The following SLAIN2 variants were observed in gnomAD, a reference collection of about 807,000 sequenced individuals.
SLAIN2 encodes the protein SLAIN family member 2, also known as SLAIN motif-containing protein 2.
Under a neutral mutation model 56.6 loss-of-function variants are expected in SLAIN2, and 31 were observed. That is an observed-to-expected ratio of 0.55 (90% CI 0.41 to 0.74). The LOEUF (loss-of-function observed/expected upper bound fraction) is 0.74, where lower values mean the gene tolerates loss of function less well. Ranked by LOEUF, SLAIN2 falls within the 30% of genes least tolerant of loss-of-function variation. The pLI is 0.00. For synonymous variants in SLAIN2, 317 were observed against 284.9 expected (o/e 1.11, Z -1.13); for missense variants, 777 against 754.2 (o/e 1.03, Z -0.35).
At chr4:48,363,967 A>ATGG (rs1560452826) in intron 1 of SLAIN2, among the ~76,000 whole-genome samples, 4 of 92,308 alleles carry the variant, frequency 4.3e-5, no homozygotes, top group South Asian at 4.5e-4. Flanking sequence ...CTGGCCGGGC[A>ATGG]GGGGGCTGAC....
intron 6 of SLAIN2, among the ~76,000 whole-genome samples, chr4:48,403,369 A>G (rs1478216217): frequency 1.3e-5 from 2 of 151,934 alleles, no homozygotes; most frequent in Non-Finnish European, 2.9e-5. Flanking sequence ...GGGCTCCATC[A>G]TCAGAGTTCT....
chr4:48,363,896 C>T lies in SLAIN2; in HGVS notation c.390-5953C>T, dbSNP rs575510084. 3.7e-3 allele frequency among the ~76,000 whole-genome samples: 523 copies of T among 141,830 alleles called. 3 individuals carry two copies. The highest frequency in any genetic ancestry group is 6.1e-3 in the Non-Finnish European group (391 of 63,666). 93.0% of individuals were successfully genotyped at this position (141,830 alleles called of 152,430 possible). On this transcript the variant is annotated intron_variant, in intron 1 of 7. Coordinates refer to ENST00000264313, the MANE Select transcript of SLAIN2 (RefSeq NM_020846.2). ...CCGGGCAGAGGCGCCCCTCACCTCC[C>T]GGACGGCACGGCTGGCCAGGCGGGG... is the stretch of plus-strand genomic sequence containing the variant.
chr4:48,405,386 TCTTA>T (rs766711721), intron 6 of SLAIN2, among the ~76,000 whole-genome samples: 1 of 152,222 alleles, frequency 6.6e-6, no homozygotes, highest in South Asian at 2.1e-4. Flanking sequence ...TTTAAGTTTC[TCTTA>T]CTTTATCGTT....
At position 48,368,051 on chromosome 4, in the gene SLAIN2, C is replaced by CT. The variant is rs36096623; in HGVS notation, c.390-1785dup. ...TTCACTGAACGTAGTGTTTTTGAGGCTTTTTTTTTTTTTGACAGTGTTGCT... is the reference window on the plus strand; with the variant it reads ...TTCACTGAACGTAGTGTTTTTGAGGCTTTTTTTTTTTTTTGACAGTGTTGCT... On this transcript the variant is annotated intron_variant, in intron 1 of 7. Coordinates refer to ENST00000264313, the MANE Select transcript of SLAIN2 (RefSeq NM_020846.2). 8.1e-4 allele frequency among the ~76,000 whole-genome samples: 72 copies of CT among 88,802 alleles called. 6 individuals carry two copies. Among genetic ancestry groups the CT allele is most frequent in the South Asian group, 1.2e-3 (3 of 2,538 alleles). The allele number at this position is 88,802 out of a possible 152,430, so 58.3% of individuals were successfully genotyped here.
Position 48,420,132 on chromosome 4 carries a change from T to C in SLAIN2, c.1368T>C (p.Ser456=). The C allele has an allele frequency of 6.2e-7, 1 of 1,613,690 alleles. No homozygotes were observed. Among genetic ancestry groups the C allele is most frequent in the Non-Finnish European group, 8.5e-7 (1 of 1,179,656 alleles). Residue 456 remains serine (S), a synonymous_variant, in exon 7 of 8, where the codon TCT becomes TCC. Transcript: ENST00000264313. ...RMQPQASAIP[S]PGKFRSPAAP... ...TTCTTTGCCATCCCACAGTACCTTC[T>C]CCAGGCAAATTCCGTTCCCCTGCAG...
At chr4:48,373,885 A>G (rs987915300) in intron 2 of SLAIN2, among the ~76,000 whole-genome samples, 1 of 152,156 alleles carries the variant, frequency 6.6e-6, no homozygotes, top group Non-Finnish European at 1.5e-5. Context: ...TACTAAAAAT[A>G]CAAAATTAAT....
Position 48,377,936 on chromosome 4 carries a change from T to C in SLAIN2, c.579T>C (p.Ser193=). 6.2e-7 allele frequency: 1 copy of C among 1,613,900 alleles called. No individual in the cohort carries two copies. The highest frequency in any genetic ancestry group is 8.5e-7 in the Non-Finnish European group (1 of 1,179,860). ...ATTTATATAATAATCCTTTCAACTC[T>C]ATGAGTTACACCAGTCCTTACAGTC... ...RQNLYNNPFN[S]MSYTSPYSPN... The change falls in exon 3 of 8, where the codon TCT becomes TCC. Residue 193 remains serine, a synonymous_variant. Transcript: ENST00000264313.
At chr4:48,356,507 A>G (rs934999983) in intron 1 of SLAIN2, among the ~76,000 whole-genome samples, 4 of 152,214 alleles carry the variant, frequency 2.6e-5, no homozygotes, top group African/African-American at 9.7e-5. Flanking sequence ...GATACGTGCT[A>G]GTATACATAA....
chr4:48,346,835 C>CTTTT (rs71191209), intron 1 of SLAIN2, among the ~76,000 whole-genome samples: 3 of 128,008 alleles, frequency 2.3e-5, no homozygotes, highest in African/African-American at 9.0e-5. Flanking sequence ...TTCTATTTCC[C>CTTTT]TTTTTTTTTT....
At chr4:48,348,080 G>T (rs563401853) in intron 1 of SLAIN2, among the ~76,000 whole-genome samples, 4 of 152,266 alleles carry the variant, frequency 2.6e-5, no homozygotes, top group South Asian at 4.1e-4. Context: ...TAGATATTTA[G>T]CTTGGGGAAG....
intron 1 of SLAIN2, among the ~76,000 whole-genome samples, chr4:48,352,826 A>G (rs992338650): frequency 2.0e-5 from 3 of 152,104 alleles, no homozygotes; most frequent in East Asian, 1.9e-4. Flanking sequence ...TCCCCACCCA[A>G]ATCTCATCTT....
rs776305204 is a variant in SLAIN2 at position 48,424,055 on chromosome 4, C to T, written c.*1978C>T. 2 of 152,054 alleles carry T rather than the reference C, an allele frequency of 1.3e-5. No individual in the cohort carries two copies. Among genetic ancestry groups the T allele is most frequent in the Non-Finnish European group, 2.9e-5 (2 of 67,978 alleles). 9.4% of individuals were successfully genotyped at this position (152,054 alleles called of 1,614,324 possible). A position where few individuals can be genotyped will look rare whatever the true frequency, so the allele number is the denominator to read the frequency against. On this transcript the variant is annotated 3_prime_UTR_variant, in exon 8 of 8. Coordinates refer to ENST00000264313, the MANE Select transcript of SLAIN2 (RefSeq NM_020846.2). ...ATTTTACCTATTATGAAACATATTA[C>T]ATTTTTTAAGTTAGATAATCAGTTT... is the stretch of plus-strand genomic sequence containing the variant.
At chr4:48,383,536 T>A (rs1716024729) in intron 5 of SLAIN2, 111 bp from the exon 6 acceptor site, 1 of 1,040,114 alleles carries the variant, frequency 9.6e-7, no homozygotes, top group Non-Finnish European at 1.3e-6. Flanking sequence ...TTTTCTCATC[T>A]AAAATAAACA....
intron 2 of SLAIN2, among the ~76,000 whole-genome samples, chr4:48,376,619 CTTT>C (rs556187877): frequency 3.7e-4 from 40 of 107,538 alleles, no homozygotes; most frequent in Non-Finnish European, 4.7e-4. Context: ...TTCAGGTTGA[CTTT>C]TTTTTTTTTT....
At chr4:48,357,195 A>G (rs930254268) in intron 1 of SLAIN2, among the ~76,000 whole-genome samples, 1 of 151,902 alleles carries the variant, frequency 6.6e-6, no homozygotes, top group Non-Finnish European at 1.5e-5. Flanking sequence ...AAATAGCACT[A>G]TGAACAATCT....
chr4:48,393,779 G>T (rs1390963801), intron 6 of SLAIN2, among the ~76,000 whole-genome samples: 1 of 152,094 alleles, frequency 6.6e-6, no homozygotes, highest in African/African-American at 2.4e-5. Flanking sequence ...CATAGTAACT[G>T]TATATTGGGG....
chr4:48,373,165 C>T (rs1447553259), intron 2 of SLAIN2, among the ~76,000 whole-genome samples: 2 of 152,130 alleles, frequency 1.3e-5, no homozygotes, highest in African/African-American at 4.8e-5. Flanking sequence ...ACAAAATTAT[C>T]CATTTTCACC....
chr4:48,401,483 G>A (rs558576904), intron 6 of SLAIN2, among the ~76,000 whole-genome samples: 36 of 152,094 alleles, frequency 2.4e-4, no homozygotes, highest in Non-Finnish European at 5.0e-4. Flanking sequence ...TATATACTTA[G>A]GATAGTTAGC....
intron 1 of SLAIN2, among the ~76,000 whole-genome samples, chr4:48,357,445 A>C: frequency 6.6e-6 from 1 of 151,262 alleles, no homozygotes; most frequent in Admixed American, 6.6e-5. Context: ...GCAGTGGCAC[A>C]GTCATAGCTC....
Sources: allele counts gnomAD v4.1 joint callset (sites outside exome capture counted in the v4.1 genomes callset), GRCh38; gene constraint gnomAD v4.1.1; transcripts MANE v1.5; gene names NCBI Gene and HGNC (gene_info 2026-07-23, HGNC 2026-07-21).